The following DCP1A variants were observed in gnomAD, a reference collection of about 807,000 sequenced individuals.
The protein encoded by DCP1A is decapping mRNA 1A.
A neutral mutation model predicts 58.0 loss-of-function variants in DCP1A; 20 were observed. The observed-to-expected ratio is 0.34, with a 90% confidence interval of 0.24 to 0.50. The LOEUF (loss-of-function observed/expected upper bound fraction) is 0.50. Ranked by LOEUF, DCP1A falls within the 20% of genes least tolerant of loss-of-function variation. The pLI, the probability that DCP1A is intolerant of heterozygous loss-of-function variation, is 0.98. For missense variants in DCP1A, 613 were observed against 712.2 expected, an observed-to-expected ratio of 0.86 and a Z score of 1.59; for synonymous variants, 285 against 275.1, an observed-to-expected ratio of 1.04 and a Z score of -0.36.
In DCP1A at chr3:53,342,275, A is replaced by G. The variant is rs782597769; in HGVS notation, c.177-4T>C. On this transcript the variant is annotated splice_region_variant and splice_polypyrimidine_tract_variant and intron_variant, in intron 2 of 9. Transcript: ENST00000610213. ...ACCATGGTAAGGGGAAGCTGACCTT[A>G]GATTTAATAGAAGAAAAAAAAATAT... 5.1e-6 allele frequency: 8 copies of G among 1,582,428 alleles called. No homozygotes were observed. In the South Asian group the frequency reaches 9.1e-5, roughly 18 times the overall value.
intron 3 of DCP1A, among the ~76,000 whole-genome samples, chr3:53,331,634 CCT>C (rs2089006059): frequency 2.0e-5 from 3 of 152,062 alleles, no homozygotes; most frequent in Admixed American, 6.5e-5. Context: ...AGGACATATC[CCT>C]GTTGTTAAGT....
chr3:53,340,203 G>C (rs1553692387), intron 3 of DCP1A, among the ~76,000 whole-genome samples: 1 of 152,184 alleles, frequency 6.6e-6, no homozygotes, highest in Non-Finnish European at 1.5e-5. Context: ...GGGATTGCAG[G>C]TGTTGAGCCA....
intron 7 of DCP1A, among the ~76,000 whole-genome samples, chr3:53,291,471 C>T (rs563068140): frequency 6.6e-6 from 1 of 151,888 alleles, no homozygotes; most frequent in Non-Finnish European, 1.5e-5. Flanking sequence ...CCACCTCCCC[C>T]CACCTTCCCA....
chr3:53,340,126 T>C (rs1485198611), intron 3 of DCP1A, among the ~76,000 whole-genome samples: 1 of 152,162 alleles, frequency 6.6e-6, no homozygotes, highest in African/African-American at 2.4e-5. Context: ...GGTTTTGACA[T>C]GTTGCCCAGG....
rs74741015 is a variant in DCP1A at position 53,334,491 on chromosome 3, T to A, written c.304+7653A>T. Among the ~76,000 whole-genome samples, 1,277 of 152,314 alleles carry A rather than the reference T, an allele frequency of 8.4e-3. 13 individuals carry two copies. Among genetic ancestry groups the A allele is most frequent in the African/African-American group, 0.029 (1,215 of 41,560 alleles). On this transcript the variant is annotated intron_variant, in intron 3 of 9. Coordinates refer to ENST00000610213, the MANE Select transcript of DCP1A (RefSeq NM_018403.7). ...TTTTATTGGTTTGAAAGTTAAAATATCCTATTTATGTTCTGCGGTGGAATC... is the reference window on the plus strand; with the variant it reads ...TTTTATTGGTTTGAAAGTTAAAATAACCTATTTATGTTCTGCGGTGGAATC...
Position 53,288,252 on chromosome 3 carries a change from G to A in DCP1A, c.1481C>T (p.Thr494Ile). ...VAGAPLVTAT[T>I]TAVSSVLLAP... The stretch of plus-strand genomic sequence containing the variant: ...CAGCAGGACTGAAGACACTGCAGTG[G>A]TCGTTGCAGTAACCAGTGGGGCGCC... Residue 494 changes from threonine to isoleucine, a missense_variant, in exon 9 of 10, where the codon ACC becomes ATC. Coordinates refer to ENST00000610213, the MANE Select transcript of DCP1A (RefSeq NM_018403.7). 6.2e-7 allele frequency: 1 copy of A among 1,613,194 alleles called. No individual in the cohort carries two copies. The highest frequency in any genetic ancestry group is 8.5e-7 in the Non-Finnish European group (1 of 1,179,552).
At chr3:53,330,993 G>A (rs901512528) in intron 3 of DCP1A, among the ~76,000 whole-genome samples, 7 of 151,934 alleles carry the variant, frequency 4.6e-5, no homozygotes, top group Non-Finnish European at 7.4e-5. Flanking sequence ...TAAGTAGCTG[G>A]GACTGCAGGT....
chr3:53,304,831 C>T (rs1019180473), intron 5 of DCP1A, among the ~76,000 whole-genome samples: 2 of 152,052 alleles, frequency 1.3e-5, no homozygotes, highest in African/African-American at 4.8e-5. Flanking sequence ...GATCCATCCA[C>T]CTCGGCCTCC....
intron 8 of DCP1A, 91 bp downstream of exon 8, chr3:53,290,700 T>C: frequency 2.8e-6 from 3 of 1,063,308 alleles, no homozygotes; most frequent in Non-Finnish European, 4.1e-6. Flanking sequence ...ACAGACCAAA[T>C]TCCTTGTTCT....
At chr3:53,312,496 T>TTC in intron 4 of DCP1A, 117 bp from the exon 5 acceptor site, 5 of 164,460 alleles carry the variant, frequency 3.0e-5, no homozygotes, top group Admixed American at 1.1e-4. Flanking sequence ...GACATTCTTC[T>TTC]TTTTTTTTTT....
At chr3:53,313,944 G>C (rs1553688931) in intron 4 of DCP1A, among the ~76,000 whole-genome samples, 1 of 151,998 alleles carries the variant, frequency 6.6e-6, no homozygotes, top group Non-Finnish European at 1.5e-5. Context: ...ATGTTGCCCT[G>C]GCTGGTCCCA....
At chr3:53,296,462 G>A (rs533570801) in intron 6 of DCP1A, among the ~76,000 whole-genome samples, 1 of 152,290 alleles carries the variant, frequency 6.6e-6, no homozygotes, top group African/African-American at 2.4e-5. Context: ...CCACATAGCT[G>A]CAGACATGTT....
rs371365369 is a variant in DCP1A at position 53,319,271 on chromosome 3, T to C, written c.371+136A>G. ...TATATATTTTAAAGCTTTTCAGCCT[T>C]TTCCAAGTTTTTGGCAGTAAAAAGA... On this transcript the variant is annotated intron_variant, in intron 4 of 9. Transcript: ENST00000610213. The C allele has an allele frequency of 1.0e-4, 54 of 539,496 alleles. No individual in the cohort carries two copies. The East Asian group carries it at 1.5e-3, about 15-fold the overall frequency. The allele number at this position is 539,496 out of a possible 1,614,324, so 33.4% of individuals were successfully genotyped here.
chr3:53,287,669 GAT>G lies in DCP1A; in HGVS notation c.1669-11_1669-10del. ...AGGAAGCTGGAATCATTCTAGAAGA[GAT>G]GGTAAAGGTTAAGGATACGAATGCC... is the stretch of plus-strand genomic sequence containing the variant. On this transcript the variant is annotated splice_polypyrimidine_tract_variant and intron_variant, in intron 9 of 9. Coordinates refer to ENST00000610213, the MANE Select transcript of DCP1A (RefSeq NM_018403.7). The G allele has an allele frequency of 1.3e-6, 2 of 1,598,558 alleles. No homozygotes were observed. The highest frequency in any genetic ancestry group is 1.7e-6 in the Non-Finnish European group (2 of 1,166,068).
At chr3:53,293,420 A>C (rs1403446677) in intron 6 of DCP1A, among the ~76,000 whole-genome samples, 1 of 152,160 alleles carries the variant, frequency 6.6e-6, no homozygotes, top group Non-Finnish European at 1.5e-5. Flanking sequence ...CAAAGGAAAA[A>C]CATTCGTGTT....
chr3:53,341,896 C>G (rs1054666968), intron 3 of DCP1A, among the ~76,000 whole-genome samples: 1 of 152,128 alleles, frequency 6.6e-6, no homozygotes. Flanking sequence ...TGGCTGGTCT[C>G]GAACTCCTGA....
intron 5 of DCP1A, 114 bp from the exon 6 acceptor site, chr3:53,304,404 AAACC>A: frequency 1.4e-6 from 1 of 695,044 alleles, no homozygotes. Flanking sequence ...AGAAGAAGAA[AAACC>A]AACCTCAAAA....
At chr3:53,345,899 G>A (rs1328088130) in intron 1 of DCP1A, among the ~76,000 whole-genome samples, 1 of 152,042 alleles carries the variant, frequency 6.6e-6, no homozygotes, top group Non-Finnish European at 1.5e-5. Flanking sequence ...AAAACATCAT[G>A]CAAAGTTACA....
Position 53,332,811 on chromosome 3 carries a change from T to C in DCP1A, c.304+9333A>G, listed in dbSNP as rs374853625. On this transcript the variant is annotated intron_variant, in intron 3 of 9. Coordinates refer to ENST00000610213, the MANE Select transcript of DCP1A (RefSeq NM_018403.7). ...ACCCGGGTCGTGGAGCTTGCCTAGA[T>C]CGCCCCACTGCACTCCAGCCTGGGT... 1.7e-3 allele frequency among the ~76,000 whole-genome samples: 259 copies of C among 151,056 alleles called. 2 individuals carry two copies. The highest frequency in any genetic ancestry group is 0.013 in the South Asian group (62 of 4,774).
Sources: allele counts gnomAD v4.1 joint callset (sites outside exome capture counted in the v4.1 genomes callset), GRCh38; gene constraint gnomAD v4.1.1; transcripts MANE v1.5; gene names NCBI Gene and HGNC (gene_info 2026-07-23, HGNC 2026-07-21).